The following WDR70 variants were observed in gnomAD, a reference collection of about 807,000 sequenced individuals.
The protein encoded by WDR70 is WD repeat domain 70, also known as WD repeat-containing protein 70.
A neutral mutation model predicts 88.6 loss-of-function variants in WDR70; 53 were observed. That is an observed-to-expected ratio of 0.60 (90% CI 0.48 to 0.75). The LOEUF (loss-of-function observed/expected upper bound fraction) is 0.75, where lower values mean the gene tolerates loss of function less well. WDR70 is among the 30% of genes least tolerant of loss of function. The pLI is 0.00. For synonymous variants in WDR70, 280 were observed against 270.0 expected, an observed-to-expected ratio of 1.04 and a Z score of -0.36; for missense variants, 610 against 823.2, an observed-to-expected ratio of 0.74 and a Z score of 3.17.
At chr5:37,431,828 G>A (rs1214851789) in intron 5 of WDR70, among the ~76,000 whole-genome samples, 2 of 152,182 alleles carry the variant, frequency 1.3e-5, no homozygotes. Context: ...TCTAACTGAT[G>A]TATTTTACTT....
In WDR70 at chr5:37,705,857, T is replaced by C. The variant is rs1038071248; in HGVS notation, c.1416+2770T>C. 9.2e-5 allele frequency among the ~76,000 whole-genome samples: 14 copies of C among 152,302 alleles called. No homozygotes were observed. The East Asian group carries it at 2.5e-3, about 27-fold the overall frequency. On this transcript the variant is annotated intron_variant, in intron 13 of 17. Transcript: ENST00000265107. ...ACTTGTTTGACTAAGGCACAGACAG[T>C]GATGGCATTATGTCTATCCTAGATG...
intron 7 of WDR70, among the ~76,000 whole-genome samples, chr5:37,444,160 A>C (rs1405311268): frequency 6.6e-6 from 1 of 151,844 alleles, no homozygotes; most frequent in Non-Finnish European, 1.5e-5. Context: ...AAACAAAAAA[A>C]TTAAAAAAAA....
intron 17 of WDR70, among the ~76,000 whole-genome samples, chr5:37,747,899 G>T (rs1561103856): frequency 6.6e-6 from 1 of 152,092 alleles, no homozygotes; most frequent in Non-Finnish European, 1.5e-5. Context: ...TCACTACAAA[G>T]AGAATAAAAT....
At chr5:37,533,660 C>G (rs1741569330) in intron 9 of WDR70, among the ~76,000 whole-genome samples, 1 of 152,112 alleles carries the variant, frequency 6.6e-6, no homozygotes, top group Non-Finnish European at 1.5e-5. Context: ...TCATTCCCTC[C>G]TTGGGCATGG....
chr5:37,504,341 CT>C (rs932018620), intron 8 of WDR70, among the ~76,000 whole-genome samples: 5 of 151,426 alleles, frequency 3.3e-5, no homozygotes, highest in Non-Finnish European at 7.4e-5. Context: ...ATTACTGTAG[CT>C]TTTTTTCCCT....
intron 9 of WDR70, among the ~76,000 whole-genome samples, chr5:37,562,923 T>C (rs1185711362): frequency 8.0e-5 from 12 of 150,898 alleles, no homozygotes; most frequent in Admixed American, 2.0e-4. Context: ...TCCACAAAAC[T>C]GCCGTTGTCA....
At chr5:37,544,388 CAT>C (rs1343797644) in intron 9 of WDR70, among the ~76,000 whole-genome samples, 23 of 152,266 alleles carry the variant, frequency 1.5e-4, no homozygotes, top group African/African-American at 4.6e-4. Flanking sequence ...CAGTCAATAA[CAT>C]ATGTTATACT....
intron 10 of WDR70, among the ~76,000 whole-genome samples, chr5:37,671,839 G>A (rs113299910): frequency 3.0e-4 from 46 of 152,270 alleles, no homozygotes; most frequent in African/African-American, 9.6e-4. Context: ...TGGAACAGGC[G>A]TGGTGGCTCA....
At chr5:37,396,615 T>G (rs1749022539) in intron 5 of WDR70, 45 bp downstream of exon 5, 1 of 1,533,098 alleles carries the variant, frequency 6.5e-7, no homozygotes, top group East Asian at 2.4e-5. Flanking sequence ...GAGTAATATC[T>G]TTACTGTAGA....
intron 13 of WDR70, among the ~76,000 whole-genome samples, chr5:37,712,522 T>C (rs1747542578): frequency 1.3e-5 from 2 of 152,204 alleles, no homozygotes; most frequent in Non-Finnish European, 2.9e-5. Flanking sequence ...TTCCTGGATC[T>C]ATTTTGTAAA....
rs375054035 is a variant in WDR70 at position 37,682,365 on chromosome 5, A to C, written c.1093-15290A>C. On this transcript the variant is annotated intron_variant, in intron 10 of 17. Coordinates refer to ENST00000265107, the MANE Select transcript of WDR70 (RefSeq NM_018034.4). ...TAGTGGTCTATTAATTTTTTTCAAA[A>C]AACCAACTCTTAGATTCATTGATCT... is the stretch of plus-strand genomic sequence containing the variant. Among the ~76,000 whole-genome samples, 27 of 152,020 alleles carry C rather than the reference A, an allele frequency of 1.8e-4. No individual in the cohort carries two copies. In the East Asian group the frequency reaches 1.9e-3, roughly 11 times the overall value.
intron 17 of WDR70, among the ~76,000 whole-genome samples, chr5:37,743,158 A>G (rs560850078): frequency 2.0e-5 from 3 of 152,348 alleles, no homozygotes; most frequent in Admixed American, 6.5e-5. Context: ...CACAGAAGGA[A>G]GGGCATGTGG....
intron 8 of WDR70, among the ~76,000 whole-genome samples, chr5:37,485,258 CCTT>C (rs1739823521): frequency 6.6e-6 from 1 of 152,128 alleles, no homozygotes; most frequent in African/African-American, 2.4e-5. Context: ...AGTCGATCCT[CCTT>C]GTTTTCAGCT....
At chr5:37,612,084 G>A (rs1428428600) in intron 10 of WDR70, among the ~76,000 whole-genome samples, 2 of 151,888 alleles carry the variant, frequency 1.3e-5, no homozygotes, top group Non-Finnish European at 2.9e-5. Flanking sequence ...AAAGTAGCAC[G>A]GTATTCACTC....
chr5:37,430,874 GT>G (rs1221095312), intron 5 of WDR70, among the ~76,000 whole-genome samples: 6 of 151,198 alleles, frequency 4.0e-5, no homozygotes, highest in South Asian at 2.1e-4. Flanking sequence ...TATGTATACA[GT>G]TTTTTTTTCC....
intron 9 of WDR70, among the ~76,000 whole-genome samples, chr5:37,542,441 G>A (rs867371367): frequency 2.0e-5 from 3 of 151,772 alleles, no homozygotes; most frequent in Non-Finnish European, 2.9e-5. Context: ...CACCATGCCC[G>A]GCTAATTTTT....
At chr5:37,633,105 G>A (rs775849479) in intron 10 of WDR70, among the ~76,000 whole-genome samples, 1 of 152,100 alleles carries the variant, frequency 6.6e-6, no homozygotes, top group Non-Finnish European at 1.5e-5. Context: ...ATCTATGTTT[G>A]TATAAGTACA....
intron 10 of WDR70, among the ~76,000 whole-genome samples, chr5:37,686,066 A>G (rs998332231): frequency 1.9e-4 from 29 of 152,146 alleles, no homozygotes; most frequent in African/African-American, 6.8e-4. Flanking sequence ...AACACTGTGA[A>G]GCCTAGGCGG....
At chr5:37,738,296 G>A (rs1748363478) in intron 17 of WDR70, among the ~76,000 whole-genome samples, 1 of 152,136 alleles carries the variant, frequency 6.6e-6, no homozygotes, top group Non-Finnish European at 1.5e-5. Context: ...AAAAAAGCTT[G>A]TGGTTTATAC....
Sources: gnomAD v4.1 joint callset for allele counts (sites outside exome capture counted in the v4.1 genomes callset) on GRCh38, gnomAD v4.1.1 for gene constraint, MANE v1.5 for transcripts, NCBI Gene and HGNC (gene_info 2026-07-23, HGNC 2026-07-21) for gene names.